HCN1: variants seen among roughly 807,000 people sequenced by gnomAD.
The protein encoded by HCN1 is potassium/sodium hyperpolarization-activated cyclic nucleotide-gated channel 1.
A neutral mutation model predicts 78.9 loss-of-function variants in HCN1; 13 were observed. The ratio of observed to expected loss-of-function variants is 0.16; its 90% CI spans 0.11 to 0.26. The LOEUF (loss-of-function observed/expected upper bound fraction) is 0.26. Among genes scored for constraint, HCN1 ranks in the 10% least tolerant of loss-of-function variants. HCN1 has a pLI of 1.00. For missense variants in HCN1, 810 were observed against 1,154.3 expected (o/e 0.70, Z 4.32); for synonymous variants, 552 against 455.5 (o/e 1.21, Z -2.70).
chr5:45,267,262 A>C lies in HCN1; in HGVS notation c.1619-9T>G, dbSNP rs1744876767. Reference sequence around the variant, plus strand: ...GGTCAGCAGGCAAATCTCTATAAAAACAAACAACAAAGAAGAATGACTTGT... The same window carrying C: ...GGTCAGCAGGCAAATCTCTATAAAACCAAACAACAAAGAAGAATGACTTGT... On this transcript the variant is annotated splice_polypyrimidine_tract_variant and intron_variant, in intron 6 of 7. Coordinates refer to ENST00000303230, the MANE Select transcript of HCN1 (RefSeq NM_021072.4). 6.2e-7 allele frequency: 1 copy of C among 1,613,526 alleles called. No individual in the cohort carries two copies. Among genetic ancestry groups the C allele is most frequent in the African/African-American group, 1.3e-5 (1 of 75,030 alleles).
chr5:45,393,326 G>A (rs1293210764), intron 4 of HCN1, among the ~76,000 whole-genome samples: 1 of 152,112 alleles, frequency 6.6e-6, no homozygotes, highest in Non-Finnish European at 1.5e-5. Context: ...TTTGATTGGA[G>A]ACAGCGACAT....
intron 3 of HCN1, among the ~76,000 whole-genome samples, chr5:45,419,976 A>G (rs1740195290): frequency 6.6e-6 from 1 of 152,148 alleles, no homozygotes; most frequent in African/African-American, 2.4e-5. Context: ...GCATATAGGT[A>G]GAAAGGGGAG....
intron 4 of HCN1, among the ~76,000 whole-genome samples, chr5:45,356,404 T>C (rs1005164112): frequency 6.6e-6 from 1 of 151,952 alleles, no homozygotes; most frequent in Non-Finnish European, 1.5e-5. Context: ...TGCATGTACA[T>C]GATTATTAAA....
chr5:45,383,489 A>G (rs1651817606), intron 4 of HCN1, among the ~76,000 whole-genome samples: 1 of 152,160 alleles, frequency 6.6e-6, no homozygotes, highest in South Asian at 2.1e-4. Context: ...TGAGGTCAAG[A>G]GTTTCAGACC....
rs563413008 is a variant in HCN1, at chr5:45,492,914, A to G, written c.850-30907T>C. ...AGAAACTAGAGTATGGAAAGCTTAG[A>G]AAAGTCTGTGGATTGGTCAAGCTGG... On this transcript the variant is annotated intron_variant, in intron 2 of 7. Coordinates refer to ENST00000303230, the MANE Select transcript of HCN1 (RefSeq NM_021072.4). Among the ~76,000 whole-genome samples the G allele has an allele frequency of 7.2e-5, 11 of 152,280 alleles. No homozygotes were observed. In the East Asian group the frequency reaches 2.1e-3, roughly 29 times the overall value.
Position 45,553,651 on chromosome 5 carries a change from C to T in HCN1, c.849+91534G>A, listed in dbSNP as rs79824678. On this transcript the variant is annotated intron_variant, in intron 2 of 7. Coordinates refer to ENST00000303230, the MANE Select transcript of HCN1 (RefSeq NM_021072.4). Reference sequence around the variant, plus strand: ...TTTGCATATAACCTATGCACAGTTCCTCATAAAATATGACATAGTATTTGC... The same window carrying T: ...TTTGCATATAACCTATGCACAGTTCTTCATAAAATATGACATAGTATTTGC... Among the ~76,000 whole-genome samples, 83 of 151,962 alleles carry T rather than the reference C, an allele frequency of 5.5e-4. 3 individuals are homozygous for T. The East Asian group carries it at 0.015, about 27-fold the overall frequency.
intron 4 of HCN1, among the ~76,000 whole-genome samples, chr5:45,363,853 GAACTGT>G (rs1364199793): frequency 6.6e-6 from 1 of 151,970 alleles, no homozygotes; most frequent in East Asian, 1.9e-4. Context: ...CAGCCATGTG[GAACTGT>G]AAGTCCAATT....
intron 4 of HCN1, 141 bp downstream of exon 4, chr5:45,396,351 G>A: frequency 2.8e-6 from 2 of 722,616 alleles, no homozygotes; most frequent in Non-Finnish European, 4.8e-6. Context: ...AAATATCAAA[G>A]AAGATAGTGT....
intron 2 of HCN1, among the ~76,000 whole-genome samples, chr5:45,620,061 A>T (rs1413146843): frequency 6.6e-6 from 1 of 152,120 alleles, no homozygotes; most frequent in Admixed American, 6.6e-5. Context: ...TCATCTAAGC[A>T]GCATTTTTCC....
chr5:45,269,852 G>A (rs137882431), intron 6 of HCN1, among the ~76,000 whole-genome samples: 6 of 152,216 alleles, frequency 3.9e-5, no homozygotes, highest in Non-Finnish European at 7.4e-5. Flanking sequence ...AGCCTGTTTA[G>A]TATTCTTCCA....
At chr5:45,599,799 C>T (rs1421565467) in intron 2 of HCN1, among the ~76,000 whole-genome samples, 1 of 151,702 alleles carries the variant, frequency 6.6e-6, no homozygotes, top group African/African-American at 2.4e-5. Context: ...GATGACCACA[C>T]ATTGCACACT....
chr5:45,690,650 A>C (rs1739892113), intron 1 of HCN1, among the ~76,000 whole-genome samples: 1 of 152,080 alleles, frequency 6.6e-6, no homozygotes, highest in Admixed American at 6.6e-5. Flanking sequence ...TTTTAGAAGA[A>C]AAGTACTTAG....
intron 2 of HCN1, among the ~76,000 whole-genome samples, chr5:45,470,196 A>C (rs947243072): frequency 6.6e-6 from 1 of 151,978 alleles, no homozygotes; most frequent in Non-Finnish European, 1.5e-5. Flanking sequence ...ATATTAATTT[A>C]TTTGAGTGGG....
chr5:45,312,082 T>C lies in HCN1; in HGVS notation c.1378-8243A>G, dbSNP rs1309004636. ...AGATGACATGAGATAGAAATGTTTA[T>C]GTCAGATGTTTCTGGGATCCACCTT... On this transcript the variant is annotated intron_variant, in intron 5 of 7. Coordinates refer to ENST00000303230, the MANE Select transcript of HCN1 (RefSeq NM_021072.4). Among the ~76,000 whole-genome samples, 3 of 152,230 alleles carry C rather than the reference T, an allele frequency of 2.0e-5. No individual in the cohort carries two copies. The East Asian group carries it at 5.8e-4, about 29-fold the overall frequency.
chr5:45,281,451 C>A lies in HCN1; in HGVS notation c.1619-14198G>T, dbSNP rs182576876. ...TCAGAACTTTGAATCAATTAAATTT[C>A]TTTTCTTCATAAATTACCCAGTCTC... On this transcript the variant is annotated intron_variant, in intron 6 of 7. Coordinates refer to ENST00000303230, the MANE Select transcript of HCN1 (RefSeq NM_021072.4). Among the ~76,000 whole-genome samples, 150 of 152,044 alleles carry A rather than the reference C, an allele frequency of 9.9e-4. 1 individual carries two copies. Among genetic ancestry groups the A allele is most frequent in the Admixed American group, 8.5e-3 (130 of 15,240 alleles).
chr5:45,326,738 C>T (rs959655855), intron 5 of HCN1, among the ~76,000 whole-genome samples: 1 of 151,554 alleles, frequency 6.6e-6, no homozygotes, highest in Non-Finnish European at 1.5e-5. Context: ...TTAATGTTTT[C>T]TGTAGTTACA....
chr5:45,462,634 A>C (rs538599474), intron 2 of HCN1, among the ~76,000 whole-genome samples: 11 of 152,074 alleles, frequency 7.2e-5, no homozygotes, highest in African/African-American at 2.4e-4. Flanking sequence ...ATTTCCATAA[A>C]CTTTTTGTAT....
At chr5:45,619,335 A>G (rs1369074792) in intron 2 of HCN1, among the ~76,000 whole-genome samples, 1 of 152,110 alleles carries the variant, frequency 6.6e-6, no homozygotes, top group Non-Finnish European at 1.5e-5. Context: ...ATAACTATGG[A>G]TCCCTAGAAA....
intron 2 of HCN1, among the ~76,000 whole-genome samples, chr5:45,623,916 A>C (rs1745116432): frequency 6.6e-6 from 1 of 152,216 alleles, no homozygotes; most frequent in Non-Finnish European, 1.5e-5. Flanking sequence ...TTGACATTTG[A>C]CAGAGATTTG....
Sources: allele counts gnomAD v4.1 joint callset (sites outside exome capture counted in the v4.1 genomes callset), GRCh38; gene constraint gnomAD v4.1.1; transcripts MANE v1.5; gene names NCBI Gene and HGNC (gene_info 2026-07-23, HGNC 2026-07-21).